Variants in AFG1L observed in about 807,000 individuals in gnomAD.
AFG1L encodes AFG1 like ATPase.
Under a neutral mutation model 62.2 loss-of-function variants are expected in AFG1L, and 53 were observed. That is an observed-to-expected ratio of 0.85 (90% CI 0.68 to 1.07). AFG1L has a LOEUF of 1.07. Among genes scored for constraint, AFG1L ranks in the 50% least tolerant of loss-of-function variants. AFG1L has a pLI of 0.00. For missense variants in AFG1L, 555 were observed against 590.5 expected (o/e 0.94, Z 0.62); for synonymous variants, 228 against 210.3 (o/e 1.08, Z -0.73).
intron 10 of AFG1L, among the ~76,000 whole-genome samples, chr6:108,483,324 A>G (rs1030767224): frequency 1.3e-5 from 2 of 152,184 alleles, no homozygotes; most frequent in Non-Finnish European, 2.9e-5. Context: ...AATTTTTCTC[A>G]GTTTTAATTT....
chr6:108,327,998 G>A (rs2114326569), intron 2 of AFG1L, among the ~76,000 whole-genome samples: 1 of 152,330 alleles, frequency 6.6e-6, no homozygotes, highest in South Asian at 2.1e-4. Context: ...TGGGCACCAT[G>A]AGTGACCAGT....
chr6:108,381,557 A>T (rs1780522940), intron 6 of AFG1L, among the ~76,000 whole-genome samples: 1 of 152,144 alleles, frequency 6.6e-6, no homozygotes. Flanking sequence ...AGCCTGGACA[A>T]CATAGGAAGA....
chr6:108,475,814 C>G (rs1457561777), intron 8 of AFG1L, among the ~76,000 whole-genome samples: 1 of 152,162 alleles, frequency 6.6e-6, no homozygotes, highest in East Asian at 1.9e-4. Context: ...TATTAAATGC[C>G]TACCACCTGA....
Position 108,522,439 on chromosome 6 carries a change from A to C in AFG1L, c.*14A>C. 6.2e-7 allele frequency: 1 copy of C among 1,604,448 alleles called. No homozygotes were observed. Among genetic ancestry groups the C allele is most frequent in the Non-Finnish European group, 8.5e-7 (1 of 1,172,618 alleles). On this transcript the variant is annotated 3_prime_UTR_variant, in exon 13 of 13. Transcript: ENST00000368977. ...ACCAAGAAGTAACTGCCACTTTTGC[A>C]TAAATAAAACTCTAGACAAATGGTT...
chr6:108,327,459 G>A (rs58897119), intron 2 of AFG1L, among the ~76,000 whole-genome samples: 15 of 152,320 alleles, frequency 9.8e-5, no homozygotes, highest in African/African-American at 3.6e-4. Flanking sequence ...CAAGATCAAA[G>A]TGCTGGCAAA....
chr6:108,444,232 T>A (rs566634846), intron 7 of AFG1L, among the ~76,000 whole-genome samples: 4 of 152,304 alleles, frequency 2.6e-5, no homozygotes, highest in African/African-American at 9.6e-5. Context: ...ATATTTATAC[T>A]ATACTATAGT....
chr6:108,522,601 A>AT lies in AFG1L; in HGVS notation c.*182dup. On this transcript the variant is annotated 3_prime_UTR_variant, in exon 13 of 13. Coordinates refer to ENST00000368977, the MANE Select transcript of AFG1L (RefSeq NM_145315.5). ...TGGATTAGTAAGTTAAACACTTAAC[A>AT]TTTTTTAGGTCTGCTTTTTCTTATT... 1 of 526,618 alleles carries AT rather than the reference A, an allele frequency of 1.9e-6. No individual in the cohort carries two copies. The highest frequency in any genetic ancestry group is 3.1e-6 in the Non-Finnish European group (1 of 323,566). 32.6% of individuals were successfully genotyped at this position (526,618 alleles called of 1,614,324 possible).
intron 7 of AFG1L, among the ~76,000 whole-genome samples, chr6:108,421,183 A>G (rs534392265): frequency 1.3e-5 from 2 of 152,324 alleles, no homozygotes; most frequent in African/African-American, 4.8e-5. Flanking sequence ...GGGTGTTACT[A>G]TGATTCCAAC....
intron 7 of AFG1L, among the ~76,000 whole-genome samples, chr6:108,408,280 C>A (rs1405527443): frequency 1.3e-5 from 2 of 152,002 alleles, no homozygotes; most frequent in Non-Finnish European, 2.9e-5. Flanking sequence ...GTTTTAGGAC[C>A]TTTCTAAGCT....
chr6:108,345,386 G>T (rs1364281533), intron 2 of AFG1L, among the ~76,000 whole-genome samples: 1 of 151,966 alleles, frequency 6.6e-6, no homozygotes, highest in Non-Finnish European at 1.5e-5. Flanking sequence ...GTGAGACAGG[G>T]TCTTGCTCTG....
At chr6:108,376,755 A>G (rs907310464) in intron 6 of AFG1L, among the ~76,000 whole-genome samples, 1 of 152,160 alleles carries the variant, frequency 6.6e-6, no homozygotes, top group African/African-American at 2.4e-5. Flanking sequence ...CGATATATAG[A>G]GTATTCTGTA....
intron 2 of AFG1L, among the ~76,000 whole-genome samples, chr6:108,343,833 T>C (rs1357177010): frequency 6.6e-6 from 1 of 152,194 alleles, no homozygotes; most frequent in African/African-American, 2.4e-5. Context: ...GCCATCCAGA[T>C]GGCAGAGTCA....
chr6:108,467,664 G>A (rs1772728526), intron 8 of AFG1L, among the ~76,000 whole-genome samples: 1 of 152,096 alleles, frequency 6.6e-6, no homozygotes, highest in Admixed American at 6.5e-5. Context: ...ATATAATCTT[G>A]TCACAGTACA....
Position 108,524,862 on chromosome 6 carries a change from G to A in AFG1L, c.*2437G>A, listed in dbSNP as rs893551734. The stretch of plus-strand genomic sequence containing the variant: ...AAGTCTTCAAGAATAGCCATCACTA[G>A]GAAACAGTATGGTAGCTCTACTAAA... On this transcript the variant is annotated 3_prime_UTR_variant, in exon 13 of 13. Transcript: ENST00000368977. The A allele has an allele frequency of 6.6e-6, 1 of 152,190 alleles. No homozygotes were observed. The highest frequency in any genetic ancestry group is 1.5e-5 in the Non-Finnish European group (1 of 68,032). 9.4% of individuals were successfully genotyped at this position (152,190 alleles called of 1,614,324 possible).
intron 1 of AFG1L, chr6:108,318,381 A>G: frequency 2.9e-6 from 1 of 346,544 alleles, no homozygotes. Flanking sequence ...GAGGTAAGAG[A>G]AAGGCCAAGT....
chr6:108,345,770 A>G (rs1367654908), intron 2 of AFG1L, among the ~76,000 whole-genome samples: 1 of 152,010 alleles, frequency 6.6e-6, no homozygotes, highest in East Asian at 1.9e-4. Context: ...TCCATTGACC[A>G]TTGGTACTAA....
rs191147479 is a variant in AFG1L at position 108,364,799 on chromosome 6, G to A, written c.649-1434G>A. On this transcript the variant is annotated intron_variant, in intron 5 of 12. Transcript: ENST00000368977. ...TTCCTTTTCATTTAATCACCATTTT[G>A]AAGTTCCTGAAGTCTTTTTAATGTA... Among the ~76,000 whole-genome samples the A allele has an allele frequency of 1.4e-3, 196 of 143,200 alleles. 1 individual carries two copies. Among genetic ancestry groups the A allele is most frequent in the Middle Eastern group, 7.9e-3 (2 of 254 alleles). The allele number at this position is 143,200 out of a possible 152,430, so 93.9% of individuals were successfully genotyped here.
chr6:108,412,548 CAGA>C (rs1782165081), intron 7 of AFG1L, among the ~76,000 whole-genome samples: 1 of 152,202 alleles, frequency 6.6e-6, no homozygotes, highest in African/African-American at 2.4e-5. Context: ...GGAAGCCCAT[CAGA>C]CTAACAGCGG....
At chr6:108,468,245 C>T (rs1772747495) in intron 8 of AFG1L, among the ~76,000 whole-genome samples, 1 of 152,192 alleles carries the variant, frequency 6.6e-6, no homozygotes, top group African/African-American at 2.4e-5. Flanking sequence ...TGAGTATCAT[C>T]CTGAGAAGGG....
Sources: gnomAD v4.1 joint callset for allele counts (sites outside exome capture counted in the v4.1 genomes callset) on GRCh38, gnomAD v4.1.1 for gene constraint, MANE v1.5 for transcripts, NCBI Gene and HGNC (gene_info 2026-07-23, HGNC 2026-07-21) for gene names.